AHCTF1: variants seen among roughly 807,000 people sequenced by gnomAD.
The protein encoded by AHCTF1 is AT-hook containing transcription factor 1, also known as protein ELYS.
Under a neutral mutation model 248.4 loss-of-function variants are expected in AHCTF1, and 24 were observed. That is an observed-to-expected ratio of 0.10 (90% CI 0.07 to 0.14). The LOEUF (loss-of-function observed/expected upper bound fraction) is 0.14, where lower values mean the gene tolerates loss of function less well. Ranked by LOEUF, AHCTF1 falls within the 10% of genes least tolerant of loss-of-function variation. AHCTF1 has a pLI of 1.00. For missense variants in AHCTF1, 2,206 were observed against 2,636.2 expected (o/e 0.84, Z 3.57); for synonymous variants, 786 against 929.8 (o/e 0.85, Z 2.81).
rs1339962105 is a variant in AHCTF1, at chr1:246,862,164, G to C, written c.3541-11C>G. 1.6e-5 allele frequency: 26 copies of C among 1,603,294 alleles called. No individual in the cohort carries two copies. Among genetic ancestry groups the C allele is most frequent in the Middle Eastern group, 1.7e-4 (1 of 5,996 alleles). On this transcript the variant is annotated splice_polypyrimidine_tract_variant and intron_variant, in intron 27 of 35. Coordinates refer to ENST00000648844, the MANE Select transcript of AHCTF1 (RefSeq NM_001323342.2). Reference sequence around the variant, plus strand: ...CAAACTTTTAGCTTTCTATAGTAAAGAGCAAATGGAATTACACCATTAAAA... The same window carrying C: ...CAAACTTTTAGCTTTCTATAGTAAACAGCAAATGGAATTACACCATTAAAA...
intron 26 of AHCTF1, 174 bp from the exon 27 acceptor site, chr1:246,864,290 T>C: frequency 3.1e-6 from 2 of 649,452 alleles, no homozygotes; most frequent in Non-Finnish European, 5.0e-6. Flanking sequence ...AGAAAATTAT[T>C]CATCGCAAAA....
At chr1:246,863,231 A>AAAAT (rs1315349831) in intron 27 of AHCTF1, among the ~76,000 whole-genome samples, 60 of 152,278 alleles carry the variant, frequency 3.9e-4, no homozygotes, top group African/African-American at 1.4e-3. Context: ...TTCAACTTGA[A>AAAAT]AAATAAGGAT....
chr1:246,893,526 T>C (rs192356034), intron 14 of AHCTF1, among the ~76,000 whole-genome samples: 107 of 152,350 alleles, frequency 7.0e-4, no homozygotes, highest in South Asian at 4.1e-3. Flanking sequence ...CTTTTTAGCC[T>C]TATTTTTGCA....
Position 246,850,886 on chromosome 1 carries a change from G to C in AHCTF1, c.5120C>G (p.Pro1707Arg), listed in dbSNP as rs1222077659. ...AAATGCAGATTTGACCAATTTAGTGGGACACATTATGTTTTGGCTCACTAA... is the reference window on the plus strand; with the variant it reads ...AAATGCAGATTTGACCAATTTAGTGCGACACATTATGTTTTGGCTCACTAA... ...IPLVSQNIMC[P>R]TKLVKSAFKT... Residue 1707 changes from proline to arginine, a missense_variant, in exon 33 of 36, where the codon CCC (proline) becomes CGC (arginine). This residue lies in a region of AHCTF1 where 955 missense variants were observed against 1,055.6 expected (regional missense o/e 0.90). Transcript: ENST00000648844. 6.2e-7 allele frequency: 1 copy of C among 1,613,804 alleles called. No individual in the cohort carries two copies.
rs370331510 is a variant in AHCTF1, at chr1:246,902,693, C to T, written c.967-18G>A. 28 of 1,558,720 alleles carry T rather than the reference C, an allele frequency of 1.8e-5. No homozygotes were observed. Among genetic ancestry groups the T allele is most frequent in the Admixed American group, 3.8e-5 (2 of 52,464 alleles). ...TCTAACCCCTGTAACATAAAATACACGCAAATATTAATCTGATTCTAGGCA... is the reference window on the plus strand; with the variant it reads ...TCTAACCCCTGTAACATAAAATACATGCAAATATTAATCTGATTCTAGGCA... On this transcript the variant is annotated intron_variant, in intron 7 of 35. Transcript: ENST00000648844.
chr1:246,925,561 A>G (rs2818888), intron 1 of AHCTF1, among the ~76,000 whole-genome samples: 91,835 of 152,020 alleles, frequency 0.6, 30,036 homozygotes, highest in African/African-American at 0.87. Flanking sequence ...TGTAGGTTGC[A>G]GTAAGCTATG....
chr1:246,891,800 C>T lies in AHCTF1; in HGVS notation c.1924G>A (p.Ala642Thr). 2.5e-6 allele frequency: 4 copies of T among 1,611,624 alleles called. No individual in the cohort carries two copies. The highest frequency in any genetic ancestry group is 3.4e-6 in the Non-Finnish European group (4 of 1,179,332). ...GTACCTCTCTCAGTGATCTCTCGGG[C>T]TTCTGATGCAAAACAGCTCAAGACT... Reference protein sequence around the residue: ...NIVLSCFASEAREITERGLID... With the variant: ...NIVLSCFASETREITERGLID... The change falls in exon 15 of 36, where the codon GCC (alanine) becomes ACC (threonine). Residue 642 changes from alanine (A) to threonine (T), a missense_variant. Ala to Thr is a moderately conservative substitution (Grantham distance 58, BLOSUM62 0). This residue lies in a region of AHCTF1 where 650 missense variants were observed against 870.8 expected (regional missense o/e 0.75). Transcript: ENST00000648844.
chr1:246,898,364 A>C, intron 11 of AHCTF1, 28 bp from the exon 12 acceptor site: 14 of 1,587,912 alleles, frequency 8.8e-6, no homozygotes, highest in Non-Finnish European at 1.2e-5. Flanking sequence ...GTAAGGCATC[A>C]ATCAATGCTC....
intron 1 of AHCTF1, among the ~76,000 whole-genome samples, chr1:246,921,000 G>A (rs1428853523): frequency 6.6e-6 from 1 of 151,378 alleles, no homozygotes; most frequent in Non-Finnish European, 1.5e-5. Context: ...GCTGAGGCAG[G>A]AGAATCGCTT....
chr1:246,868,959 C>T (rs1048980762), intron 24 of AHCTF1, among the ~76,000 whole-genome samples: 3 of 151,168 alleles, frequency 2.0e-5, no homozygotes, highest in African/African-American at 7.3e-5. Context: ...ATTCTCCTGC[C>T]TCAGCCTGCT....
chr1:246,868,841 T>C (rs1443437319), intron 24 of AHCTF1, among the ~76,000 whole-genome samples: 2 of 105,882 alleles, frequency 1.9e-5, no homozygotes, highest in Admixed American at 2.3e-4. Context: ...GTGTGTGTGT[T>C]TTTTGTTTTT....
chr1:246,900,984 C>T (rs1664954430), intron 8 of AHCTF1, among the ~76,000 whole-genome samples: 1 of 152,038 alleles, frequency 6.6e-6, no homozygotes, highest in African/African-American at 2.4e-5. Flanking sequence ...GAGACATCAA[C>T]AGGAGAAGAA....
intron 24 of AHCTF1, among the ~76,000 whole-genome samples, chr1:246,869,276 G>A (rs567875042): frequency 1.6e-4 from 25 of 152,034 alleles, no homozygotes; most frequent in South Asian, 2.1e-4. Context: ...CCCTTTCCCC[G>A]AGGACCTCCC....
intron 15 of AHCTF1, 35 bp from the exon 16 acceptor site, chr1:246,891,095 C>CA (rs1348577403): frequency 5.1e-6 from 7 of 1,371,556 alleles, no homozygotes; most frequent in Middle Eastern, 1.8e-4. Flanking sequence ...TGTTTACTTA[C>CA]AAAAAAATCA....
At chr1:246,926,922 C>T (rs1349653407) in intron 1 of AHCTF1, among the ~76,000 whole-genome samples, 1 of 152,056 alleles carries the variant, frequency 6.6e-6, no homozygotes, top group South Asian at 2.1e-4. Context: ...CGCCTGTAAT[C>T]CCAGCACTTT....
At chr1:246,920,835 C>T (rs1007823694) in intron 1 of AHCTF1, among the ~76,000 whole-genome samples, 5 of 151,970 alleles carry the variant, frequency 3.3e-5, no homozygotes, top group African/African-American at 1.2e-4. Flanking sequence ...CCTATAATCC[C>T]AGCACTGTGG....
intron 3 of AHCTF1, among the ~76,000 whole-genome samples, chr1:246,915,433 C>T (rs1459703085): frequency 6.6e-6 from 1 of 151,990 alleles, no homozygotes; most frequent in East Asian, 1.9e-4. Flanking sequence ...CCTATTCTTC[C>T]TTCCCCTCAT....
intron 32 of AHCTF1, among the ~76,000 whole-genome samples, chr1:246,852,716 T>C (rs1186039437): frequency 1.3e-5 from 2 of 152,196 alleles, no homozygotes; most frequent in Non-Finnish European, 2.9e-5. Flanking sequence ...CTATGGCTTC[T>C]TTAACACTTC....
intron 1 of AHCTF1, among the ~76,000 whole-genome samples, chr1:246,923,926 T>C (rs899749230): frequency 3.3e-5 from 5 of 152,198 alleles, no homozygotes; most frequent in Non-Finnish European, 5.9e-5. Context: ...CCACAGGACC[T>C]GAGAAGAGGG....
Sources: allele counts gnomAD v4.1 joint callset (sites outside exome capture counted in the v4.1 genomes callset), GRCh38; gene constraint gnomAD v4.1.1; regional missense constraint gnomAD v4.1.1; transcripts MANE v1.5; gene names NCBI Gene and HGNC (gene_info 2026-07-23, HGNC 2026-07-21).